The following TSPEAR variants were observed in gnomAD, a reference collection of about 807,000 sequenced individuals.
The protein encoded by TSPEAR is thrombospondin-type laminin G domain and EAR repeat-containing protein.
TSPEAR carries 69 observed loss-of-function variants against 71.6 expected under a neutral mutation model. The ratio of observed to expected loss-of-function variants is 0.96; its 90% confidence interval spans 0.79 to 1.18. The LOEUF (loss-of-function observed/expected upper bound fraction) is 1.18, where lower values mean the gene tolerates loss of function less well. TSPEAR is among the 50% of genes most tolerant of loss of function. The pLI, the probability that TSPEAR is intolerant of heterozygous loss-of-function variation, is 0.00. For synonymous variants in TSPEAR, 402 were observed against 387.2 expected (o/e 1.04, Z -0.45); for missense variants, 971 against 894.9 (o/e 1.09, Z -1.09).
rs1254633227 is a variant in TSPEAR at position 44,642,531 on chromosome 21, G to C, written c.82+68902C>G. Reference sequence around the variant, plus strand: ...CTATGTATAGCCATTATGGGAAATAGTACGGAAGTTCCTCAAAAAATTAAA... The same window carrying C: ...CTATGTATAGCCATTATGGGAAATACTACGGAAGTTCCTCAAAAAATTAAA... On this transcript the variant is annotated intron_variant, in intron 1 of 11. Coordinates refer to ENST00000323084, the MANE Select transcript of TSPEAR (RefSeq NM_144991.3). The surrounding 1 kb of genome is among the most constrained non-coding windows in gnomAD (Gnocchi z 4.1). Among the ~76,000 whole-genome samples, 1 of 152,214 alleles carries C rather than the reference G, an allele frequency of 6.6e-6. No homozygotes were observed. Among genetic ancestry groups the C allele is most frequent in the Admixed American group, 6.5e-5 (1 of 15,284 alleles).
intron 5 of TSPEAR, among the ~76,000 whole-genome samples, chr21:44,528,823 A>G (rs1252162422): frequency 2.0e-5 from 3 of 152,042 alleles, no homozygotes; most frequent in African/African-American, 7.2e-5. Context: ...CCCTCTGTCC[A>G]CTCTGAAAGG....
rs79088260 is a variant in TSPEAR, at chr21:44,544,882, A to G, written c.304-10959T>C. On this transcript the variant is annotated intron_variant, in intron 2 of 11. Transcript: ENST00000323084. ...ACTGATGAAAGTGAATCCATCAAGA[A>G]GATATACCAATTGTAAATATATACA... Among the ~76,000 whole-genome samples the G allele has an allele frequency of 9.3e-3, 1,414 of 152,336 alleles. 13 individuals carry two copies. Among genetic ancestry groups the G allele is most frequent in the African/African-American group, 0.033 (1,366 of 41,566 alleles).
intron 1 of TSPEAR, among the ~76,000 whole-genome samples, chr21:44,689,032 C>T (rs757776253): frequency 3.9e-5 from 6 of 152,102 alleles, no homozygotes; most frequent in Non-Finnish European, 7.4e-5. Context: ...CCTCCCCACT[C>T]AGGTGGGGGC....
chr21:44,611,101 GGGTTAATGC>G (rs1555930771), intron 1 of TSPEAR, among the ~76,000 whole-genome samples: 4 of 152,140 alleles, frequency 2.6e-5, no homozygotes, highest in Non-Finnish European at 5.9e-5. Context: ...GTGGACTTTT[GGGTTAATGC>G]TGAAATGAGT....
chr21:44,678,322 TG>T (rs1272574938), intron 1 of TSPEAR, among the ~76,000 whole-genome samples: 24 of 152,132 alleles, frequency 1.6e-4, no homozygotes, highest in African/African-American at 5.8e-4. Flanking sequence ...CCATCCCTCT[TG>T]GTGGTATTGT....
chr21:44,512,454 GC>G (rs1555912839), intron 9 of TSPEAR, among the ~76,000 whole-genome samples: 3 of 152,118 alleles, frequency 2.0e-5, no homozygotes, highest in African/African-American at 7.2e-5. Flanking sequence ...GGAGACAGGG[GC>G]TTTGGGAGAC....
At chr21:44,545,022 T>C (rs2053278416) in intron 2 of TSPEAR, among the ~76,000 whole-genome samples, 1 of 143,126 alleles carries the variant, frequency 7.0e-6, no homozygotes, top group South Asian at 2.2e-4. Context: ...TCTCTGTAAT[T>C]AAAAAAAAAA....
chr21:44,552,959 G>A (rs782603637), intron 2 of TSPEAR, among the ~76,000 whole-genome samples: 18 of 152,340 alleles, frequency 1.2e-4, no homozygotes, highest in African/African-American at 4.3e-4. Context: ...GGTGAGAGCC[G>A]AAGGGAAGCC....
chr21:44,633,777 G>A (rs1417557835), intron 1 of TSPEAR, among the ~76,000 whole-genome samples: 1 of 151,956 alleles, frequency 6.6e-6, no homozygotes, highest in African/African-American at 2.4e-5. Flanking sequence ...ATTGATCTTT[G>A]ATCTAGTTCT....
intron 1 of TSPEAR, among the ~76,000 whole-genome samples, chr21:44,660,165 C>T (rs1412126011): frequency 2.6e-5 from 4 of 152,044 alleles, no homozygotes; most frequent in Non-Finnish European, 5.9e-5. Context: ...TAATTGGAGT[C>T]CCTCAAAGAG....
chr21:44,669,099 A>G (rs1305345196), intron 1 of TSPEAR, among the ~76,000 whole-genome samples: 1 of 152,232 alleles, frequency 6.6e-6, no homozygotes, highest in Non-Finnish European at 1.5e-5. Flanking sequence ...GAAAAATGAA[A>G]AGAGCCTGTG....
chr21:44,629,627 G>A (rs186938311), intron 1 of TSPEAR, among the ~76,000 whole-genome samples: 178 of 152,336 alleles, frequency 1.2e-3, no homozygotes, highest in African/African-American at 3.8e-3. Flanking sequence ...CCTGTGCCTC[G>A]AAGATCCCCA....
chr21:44,619,258 CA>C (rs1406039978), intron 1 of TSPEAR, among the ~76,000 whole-genome samples: 2 of 152,212 alleles, frequency 1.3e-5, no homozygotes, highest in Non-Finnish European at 2.9e-5. Flanking sequence ...ACTATCTCAG[CA>C]CTAAGCTAAT....
chr21:44,669,806 A>G (rs964038265), intron 1 of TSPEAR, among the ~76,000 whole-genome samples: 14 of 152,204 alleles, frequency 9.2e-5, no homozygotes, highest in African/African-American at 3.4e-4. Flanking sequence ...TCCTACCCCC[A>G]GAACACTAAC....
intron 1 of TSPEAR, chr21:44,678,073 C>G (rs1215603729): frequency 1.5e-6 from 1 of 682,284 alleles, no homozygotes; most frequent in East Asian, 2.7e-5. Context: ...CGATAACTGA[C>G]AGGCCCGCAG....
chr21:44,570,304 G>A (rs1165516553), intron 1 of TSPEAR, among the ~76,000 whole-genome samples: 1 of 152,206 alleles, frequency 6.6e-6, no homozygotes, highest in Non-Finnish European at 1.5e-5. Context: ...CCTGGCTCCG[G>A]ACCCCACGCC....
At chr21:44,513,834 A>G (rs1243695151) in intron 9 of TSPEAR, among the ~76,000 whole-genome samples, 4 of 152,106 alleles carry the variant, frequency 2.6e-5, no homozygotes, top group African/African-American at 9.7e-5. Flanking sequence ...CAGTTCCCCA[A>G]CAAGCCCTGG....
chr21:44,633,651 T>A (rs78907286), intron 1 of TSPEAR, among the ~76,000 whole-genome samples: 59 of 152,338 alleles, frequency 3.9e-4, no homozygotes, highest in Non-Finnish European at 7.2e-4. Flanking sequence ...TAACATATGG[T>A]CTAATCTGGA....
chr21:44,623,082 G>A lies in TSPEAR; in HGVS notation c.83-55077C>T, dbSNP rs1982552562. Reference sequence around the variant, plus strand: ...CTCCCCAGAAGCTGAGCAGATGCCAGCGCCATGTTTCCTGTACAACCTGCA... The same window carrying A: ...CTCCCCAGAAGCTGAGCAGATGCCAACGCCATGTTTCCTGTACAACCTGCA... On this transcript the variant is annotated intron_variant, in intron 1 of 11. Transcript: ENST00000323084. This position sits in a 1 kb window ranked among gnomAD's most constrained non-coding sequence, Gnocchi z 4.5. 6.6e-6 allele frequency among the ~76,000 whole-genome samples: 1 copy of A among 152,198 alleles called. No homozygotes were observed. Among genetic ancestry groups the A allele is most frequent in the Admixed American group, 6.5e-5 (1 of 15,282 alleles).
Sources: gnomAD v4.1 joint callset for allele counts (sites outside exome capture counted in the v4.1 genomes callset) on GRCh38, gnomAD v4.1.1 for gene constraint, Gnocchi (gnomAD v3.1) non-coding constraint, MANE v1.5 for transcripts, NCBI Gene and HGNC (gene_info 2026-07-23, HGNC 2026-07-21) for gene names.